Variants in SPINDOC observed in about 807,000 individuals in gnomAD.
The protein encoded by SPINDOC is spindlin interactor and repressor of chromatin-binding protein.
SPINDOC carries 13 observed loss-of-function variants against 30.7 expected under a neutral mutation model. That is an observed-to-expected ratio of 0.42 (90% CI 0.28 to 0.67). The LOEUF is 0.67. Ranked by LOEUF, SPINDOC falls within the 30% of genes least tolerant of loss-of-function variation. The pLI, the probability that SPINDOC is intolerant of heterozygous loss-of-function variation, is 0.22. For missense variants in SPINDOC, 438 were observed against 518.0 expected (o/e 0.85, Z 1.50); for synonymous variants, 228 against 211.4 (o/e 1.08, Z -0.68).
intron 5 of SPINDOC, among the ~76,000 whole-genome samples, chr11:63,825,635 T>A (rs1007227639): frequency 3.9e-5 from 6 of 152,146 alleles, no homozygotes; most frequent in Admixed American, 3.3e-4. Flanking sequence ...TAAATTATTG[T>A]CAAATTAATG....
chr11:63,823,309 A>G, intron 5 of SPINDOC: 1 of 1,227,692 alleles, frequency 8.1e-7, no homozygotes, highest in South Asian at 1.4e-5. Flanking sequence ...CTGTGTTGTT[A>G]TGTACGTATT....
At chr11:63,816,541 A>G (rs934555230) in intron 1 of SPINDOC, among the ~76,000 whole-genome samples, 1 of 152,130 alleles carries the variant, frequency 6.6e-6, no homozygotes, top group Admixed American at 6.6e-5. Flanking sequence ...TCTTGTATCC[A>G]TGCAAGCCGA....
At chr11:63,822,478 T>G in intron 5 of SPINDOC, 2 of 651,704 alleles carry the variant, frequency 3.1e-6, no homozygotes, top group Non-Finnish European at 4.9e-6. Context: ...ATACCACTCT[T>G]AATTTGGTTT....
chr11:63,814,203 G>A (rs1323411294), intron 1 of SPINDOC, among the ~76,000 whole-genome samples: 2 of 152,246 alleles, frequency 1.3e-5, no homozygotes, highest in Non-Finnish European at 2.9e-5. Flanking sequence ...CAACGGCCGG[G>A]CTGTGTTCTA....
chr11:63,824,740 G>A (rs1260881093), intron 5 of SPINDOC, among the ~76,000 whole-genome samples: 1 of 150,172 alleles, frequency 6.7e-6, no homozygotes, highest in African/African-American at 2.4e-5. Context: ...ACTCCAGCCT[G>A]GCGACAGAGC....
Position 63,818,839 on chromosome 11 carries a change from A to G in SPINDOC, c.771A>G (p.Ala257=). Residue 257 remains alanine, a synonymous_variant, in exon 5 of 6, where the codon GCA becomes GCG. Coordinates refer to ENST00000294244, the MANE Select transcript of SPINDOC (RefSeq NM_138471.3). The surrounding 1 kb of genome is among the most constrained non-coding windows in gnomAD (Gnocchi z 5.3). ...CAGACTCGCCCACGGAGACTTTCGC[A>G]GCACCAGCCGAGGTCCGACACTTCA... is the stretch of plus-strand genomic sequence containing the variant. ...PSPDSPTETF[A]APAEVRHFTD... is the part of the protein sequence containing the mutation. 1 of 1,613,898 alleles carries G rather than the reference A, an allele frequency of 6.2e-7. No homozygotes were observed. Among genetic ancestry groups the G allele is most frequent in the South Asian group, 1.1e-5 (1 of 91,074 alleles).
chr11:63,818,229 T>C lies in SPINDOC; in HGVS notation c.471T>C (p.Asp157=). Reference sequence around the variant, plus strand: ...TGCTCCCTGCAGACTCGGGCCAGGATGCCCACCCAGACCCAGACGCCAACC... The same window carrying C: ...TGCTCCCTGCAGACTCGGGCCAGGACGCCCACCCAGACCCAGACGCCAACC... ...PSPPNSDSGQ[D]AHPDPDANPD... The change falls in exon 3 of 6, where the codon GAT becomes GAC. Residue 157 remains aspartate, a synonymous_variant. Coordinates refer to ENST00000294244, the MANE Select transcript of SPINDOC (RefSeq NM_138471.3). The surrounding 1 kb of genome is among the most constrained non-coding windows in gnomAD (Gnocchi z 5.3). 6.2e-7 allele frequency: 1 copy of C among 1,614,084 alleles called. No individual in the cohort carries two copies. Among genetic ancestry groups the C allele is most frequent in the Non-Finnish European group, 8.5e-7 (1 of 1,180,010 alleles).
intron 1 of SPINDOC, among the ~76,000 whole-genome samples, chr11:63,814,037 G>GC (rs1368881068): frequency 6.6e-6 from 1 of 151,980 alleles, no homozygotes; most frequent in Non-Finnish European, 1.5e-5. Context: ...CCTTTCCCCC[G>GC]CCCAGGGTCT....
chr11:63,823,908 T>TATGATCTCGTGG (rs2015591798), intron 5 of SPINDOC, among the ~76,000 whole-genome samples: 1 of 148,650 alleles, frequency 6.7e-6, no homozygotes. Context: ...TGTTTTTCTT[T>TATGATCTCGTGG]TTCTTTTTTT....
intron 1 of SPINDOC, among the ~76,000 whole-genome samples, chr11:63,815,653 T>G (rs997086735): frequency 1.3e-5 from 2 of 152,150 alleles, no homozygotes; most frequent in Non-Finnish European, 2.9e-5. Context: ...GATGGCAGGT[T>G]GGAGACCGAG....
intron 5 of SPINDOC, chr11:63,822,911 T>C: frequency 7.8e-7 from 1 of 1,280,378 alleles, no homozygotes; most frequent in Non-Finnish European, 1.0e-6. Context: ...GGGCAAAGTC[T>C]GAGAGGAAGG....
intron 5 of SPINDOC, among the ~76,000 whole-genome samples, chr11:63,820,258 TGTG>T (rs1025329236): frequency 8.0e-5 from 12 of 150,158 alleles, no homozygotes; most frequent in Admixed American, 5.9e-4. Flanking sequence ...ATTAGCCAGG[TGTG>T]GTGGCAGGCG....
intron 5 of SPINDOC, chr11:63,823,365 A>T: frequency 8.5e-7 from 1 of 1,179,552 alleles, no homozygotes; most frequent in Non-Finnish European, 1.1e-6. Context: ...TGCCACTTTA[A>T]AAAAAATTAG....
rs544912861 is a variant in SPINDOC, at chr11:63,818,746, C to G, written c.734-56C>G. 1.7e-5 allele frequency: 27 copies of G among 1,611,794 alleles called. 2 individuals carry two copies. The South Asian group carries it at 2.3e-4, about 14-fold the overall frequency. ...GATGGAGCAGGGCCTGGGCGCAGGGCGCCTGCAGCTCCTGAGGCTTTTTCA... is the reference window on the plus strand; with the variant it reads ...GATGGAGCAGGGCCTGGGCGCAGGGGGCCTGCAGCTCCTGAGGCTTTTTCA... On this transcript the variant is annotated intron_variant, in intron 4 of 5. Coordinates refer to ENST00000294244, the MANE Select transcript of SPINDOC (RefSeq NM_138471.3). The surrounding 1 kb of genome is among the most constrained non-coding windows in gnomAD (Gnocchi z 5.3).
At chr11:63,823,174 G>T (rs752211075) in intron 5 of SPINDOC, 20 of 1,289,066 alleles carry the variant, frequency 1.6e-5, no homozygotes, top group Admixed American at 2.3e-5. Context: ...AAAACCAGGG[G>T]CCCCCGTGGC....
At position 63,813,483 on chromosome 11, in the gene SPINDOC, CGACGCGCCGAGGTCTCGGGGAGGCCCG is replaced by C. The variant is rs1231133877; in HGVS notation, c.-194_-168del. The C allele has an allele frequency of 1.0e-4, 20 of 200,822 alleles. No individual in the cohort carries two copies. The highest frequency in any genetic ancestry group is 1.4e-4 in the Non-Finnish European group (16 of 114,864). The allele number at this position is 200,822 out of a possible 1,614,324, so 12.4% of individuals were successfully genotyped here. A position where few individuals can be genotyped will look rare whatever the true frequency, so the allele number is the denominator to read the frequency against. On this transcript the variant is annotated 5_prime_UTR_variant, in exon 1 of 6. Coordinates refer to ENST00000294244, the MANE Select transcript of SPINDOC (RefSeq NM_138471.3). ...ATTGAGCCCTCCCCGCCCGGGCTCC[CGACGCGCCGAGGTCTCGGGGAGGCCCG>C]GACGCGCCGGTCGCAGGCCCGGCCG...
Position 63,818,331 on chromosome 11 carries a change from C to T in SPINDOC, c.573C>T (p.Ser191=), listed in dbSNP as rs562157370. Residue 191 remains serine (S), a synonymous_variant, in exon 3 of 6, where the codon AGC becomes AGT. Coordinates refer to ENST00000294244, the MANE Select transcript of SPINDOC (RefSeq NM_138471.3). This position sits in a 1 kb window ranked among gnomAD's most constrained non-coding sequence, Gnocchi z 5.3. ...ATAACCCATCCCTCCCTAAAAGGAG[C>T]CGGCCCAGGGGACTCCGCCCCCTCG... ...SEDNPSLPKR[S]RPRGLRPLEL... 6.2e-7 allele frequency: 1 copy of T among 1,614,012 alleles called. No individual in the cohort carries two copies. The highest frequency in any genetic ancestry group is 1.7e-5 in the Admixed American group (1 of 59,996).
chr11:63,824,142 T>A (rs1297966293), intron 5 of SPINDOC, among the ~76,000 whole-genome samples: 1 of 150,224 alleles, frequency 6.7e-6, no homozygotes. Context: ...ACTCCTGACC[T>A]CGGGTGATCC....
Position 63,813,656 on chromosome 11 carries a change from T to C in SPINDOC, c.-31T>C. Reference sequence around the variant, plus strand: ...CGCGCCGAAGCCTGCGCGCCAGTCCTCCGGCCACTGCTATCGCCCACGGCC... The same window carrying C: ...CGCGCCGAAGCCTGCGCGCCAGTCCCCCGGCCACTGCTATCGCCCACGGCC... On this transcript the variant is annotated 5_prime_UTR_variant, in exon 1 of 6. Transcript: ENST00000294244. 3 of 1,516,996 alleles carry C rather than the reference T, an allele frequency of 2.0e-6. No individual in the cohort carries two copies. Among genetic ancestry groups the C allele is most frequent in the Non-Finnish European group, 2.6e-6 (3 of 1,133,798 alleles). The allele number at this position is 1,516,996 out of a possible 1,614,324, so 94.0% of individuals were successfully genotyped here.
Sources: gnomAD v4.1 joint callset for allele counts (sites outside exome capture counted in the v4.1 genomes callset) on GRCh38, gnomAD v4.1.1 for gene constraint, Gnocchi (gnomAD v3.1) non-coding constraint, MANE v1.5 for transcripts, NCBI Gene and HGNC (gene_info 2026-07-23, HGNC 2026-07-21) for gene names.